Variants in FBXW11 observed in about 807,000 individuals in gnomAD.
FBXW11 encodes the protein F-box/WD repeat-containing protein 11.
In FBXW11, 19 loss-of-function variants were observed where a neutral mutation model predicts 77.6. The ratio of observed to expected loss-of-function variants is 0.24; its 90% confidence interval spans 0.17 to 0.36. The LOEUF is 0.36. Ranked by LOEUF, FBXW11 falls within the 10% of genes least tolerant of loss-of-function variation. The pLI is 1.00. For synonymous variants in FBXW11, 235 were observed against 249.4 expected, an observed-to-expected ratio of 0.94 and a Z score of 0.54; for missense variants, 334 against 704.2, an observed-to-expected ratio of 0.47 and a Z score of 5.95.
At chr5:171,868,316 T>G (rs1248784854) in intron 13 of FBXW11, among the ~76,000 whole-genome samples, 2 of 152,146 alleles carry the variant, frequency 1.3e-5, no homozygotes, top group East Asian at 3.8e-4. Context: ...TCAAGACATT[T>G]TACTGGTGTT....
At chr5:171,915,650 T>TGTGTGTGTGTGTGTGTGTGA (rs982596459) in intron 2 of FBXW11, among the ~76,000 whole-genome samples, 161 of 151,302 alleles carry the variant, frequency 1.1e-3, no homozygotes, top group Middle Eastern at 6.8e-3. Flanking sequence ...TGTGTGTGTG[T>TGTGTGTGTGTGTGTGTGTGA]GAGCCTGAGC....
At position 171,891,016 on chromosome 5, in the gene FBXW11, T is replaced by C. The variant is rs1759312215; in HGVS notation, c.852+451A>G. Among the ~76,000 whole-genome samples, 3 of 152,178 alleles carry C rather than the reference T, an allele frequency of 2.0e-5. No homozygotes were observed. The South Asian group carries it at 6.2e-4, about 31-fold the overall frequency. The stretch of plus-strand genomic sequence containing the variant: ...AAATAAAATCAGATCAGATCAGCCA[T>C]CAAACAGATTAAACATGGAAAAATA... On this transcript the variant is annotated intron_variant, in intron 7 of 13. Transcript: ENST00000517395.
chr5:172,000,533 T>G (rs970596197), intron 1 of FBXW11, among the ~76,000 whole-genome samples: 5 of 152,218 alleles, frequency 3.3e-5, no homozygotes, highest in Non-Finnish European at 7.3e-5. Context: ...TAAAAGCAAC[T>G]AAATGTTAGT....
chr5:172,004,890 C>CAT (rs1296383730), intron 1 of FBXW11, among the ~76,000 whole-genome samples: 1 of 151,904 alleles, frequency 6.6e-6, no homozygotes, highest in African/African-American at 2.4e-5. Context: ...CACACACACA[C>CAT]ACGCATGCAA....
At chr5:171,966,177 C>T (rs766189650) in intron 1 of FBXW11, among the ~76,000 whole-genome samples, 2 of 152,112 alleles carry the variant, frequency 1.3e-5, no homozygotes, top group Non-Finnish European at 1.5e-5. Flanking sequence ...GACTAATACA[C>T]AATTTAAATA....
rs895921580 is a variant in FBXW11 at position 171,914,417 on chromosome 5, A to G, written c.148-12T>C. The G allele has an allele frequency of 1.9e-6, 3 of 1,569,020 alleles. No individual in the cohort carries two copies. Among genetic ancestry groups the G allele is most frequent in the Non-Finnish European group, 2.6e-6 (3 of 1,165,408 alleles). ...ATAACTGAAGTGTTCTAGGGGGGGA[A>G]AAACAGGTTATTTGAATTATACCAA... On this transcript the variant is annotated splice_polypyrimidine_tract_variant and intron_variant, in intron 2 of 13. Transcript: ENST00000517395.
At chr5:171,998,538 T>G (rs1766210392) in intron 1 of FBXW11, among the ~76,000 whole-genome samples, 1 of 151,646 alleles carries the variant, frequency 6.6e-6, no homozygotes, top group Non-Finnish European at 1.5e-5. Flanking sequence ...GGCTCACACC[T>G]GTAGTCCCAA....
chr5:171,877,987 G>T, intron 8 of FBXW11, 24 bp downstream of exon 8: 1 of 1,544,380 alleles, frequency 6.5e-7, no homozygotes, highest in Non-Finnish European at 8.9e-7. Context: ...TACAAGTTAA[G>T]AACAATGAAG....
intron 5 of FBXW11, 81 bp downstream of exon 5, chr5:171,899,833 G>C (rs1759996882): frequency 7.9e-7 from 1 of 1,262,438 alleles, no homozygotes; most frequent in East Asian, 2.4e-5. Flanking sequence ...ACATTTGCAA[G>C]TATAATTGCA....
chr5:171,958,061 T>C lies in FBXW11; in HGVS notation c.46-363A>G, dbSNP rs556518949. ...CATCAGTGCCACAGTTTCTCGTCTA[T>C]GTCACATAACCATAATTGTCATCGT... On this transcript the variant is annotated intron_variant, in intron 1 of 13. Coordinates refer to ENST00000517395, the MANE Select transcript of FBXW11 (RefSeq NM_001378974.1). 1.8e-4 allele frequency among the ~76,000 whole-genome samples: 27 copies of C among 152,334 alleles called. No homozygotes were observed. The South Asian group carries it at 5.4e-3, about 30-fold the overall frequency.
chr5:172,003,042 A>G (rs1766512614), intron 1 of FBXW11: 1 of 152,174 alleles, frequency 6.6e-6, no homozygotes, highest in African/African-American at 2.4e-5. Context: ...TACTTCATTG[A>G]ACAAGTAATA....
chr5:171,873,222 T>G (rs1757863534), intron 9 of FBXW11, among the ~76,000 whole-genome samples: 1 of 152,244 alleles, frequency 6.6e-6, no homozygotes, highest in Admixed American at 6.5e-5. Flanking sequence ...AAGTCTCCAG[T>G]CTTTGAGATC....
chr5:171,923,909 CTTTTTTTTTTTTTTTTT>C (rs70982354), intron 2 of FBXW11, among the ~76,000 whole-genome samples: 30 of 49,198 alleles, frequency 6.1e-4, no homozygotes, highest in African/African-American at 2.7e-3. Context: ...GAAACCCCAC[CTTTTTTTTTTTTTTTTT>C]TTTTTTTTTT....
intron 6 of FBXW11, among the ~76,000 whole-genome samples, chr5:171,896,059 A>G (rs2113864162): frequency 6.6e-6 from 1 of 152,252 alleles, no homozygotes; most frequent in African/African-American, 2.4e-5. Flanking sequence ...AGTTGGCTGC[A>G]CTAAGCCAGG....
At chr5:171,972,316 AAAATAAATAAATAAATAAAT>A (rs35891894) in intron 1 of FBXW11, among the ~76,000 whole-genome samples, 2 of 134,714 alleles carry the variant, frequency 1.5e-5, no homozygotes, top group East Asian at 2.2e-4. Context: ...CGTCTCTACA[AAAATAAATAAATAAATAAAT>A]AAATAAATAA....
intron 2 of FBXW11, among the ~76,000 whole-genome samples, chr5:171,931,852 CCT>C (rs1561696356): frequency 9.0e-5 from 1 of 11,074 alleles, no homozygotes; most frequent in African/African-American, 3.2e-4. Flanking sequence ...TCCCTCCCTC[CCT>C]CCCTCCCTCT....
chr5:171,888,782 A>G (rs898054044), intron 7 of FBXW11, among the ~76,000 whole-genome samples: 14 of 152,240 alleles, frequency 9.2e-5, no homozygotes, highest in African/African-American at 3.4e-4. Context: ...CACCTACTCT[A>G]TACTCCACAG....
rs1044770832 is a variant in FBXW11, at chr5:172,006,538, C to G, written c.-36G>C. On this transcript the variant is annotated 5_prime_UTR_variant, in exon 1 of 14. Transcript: ENST00000517395. ...GCGGCCCCGCCTCGCTCTCCCCGCG[C>G]AGCAGCGAACGGCCCGGGCGGAGGA... 6.7e-7 allele frequency: 1 copy of G among 1,486,960 alleles called. No individual in the cohort carries two copies. The highest frequency in any genetic ancestry group is 9.0e-7 in the Non-Finnish European group (1 of 1,116,346). 92.1% of individuals were successfully genotyped at this position (1,486,960 alleles called of 1,614,324 possible). A position where few individuals can be genotyped will look rare whatever the true frequency, so the allele number is the denominator to read the frequency against.
intron 2 of FBXW11, among the ~76,000 whole-genome samples, chr5:171,928,364 A>T (rs2113029922): frequency 6.6e-6 from 1 of 152,336 alleles, no homozygotes; most frequent in Non-Finnish European, 1.5e-5. Context: ...AAAAAAACCC[A>T]ACGATGTTTT....
Sources: allele counts gnomAD v4.1 joint callset (sites outside exome capture counted in the v4.1 genomes callset), GRCh38; gene constraint gnomAD v4.1.1; transcripts MANE v1.5; gene names NCBI Gene and HGNC (gene_info 2026-07-23, HGNC 2026-07-21).